The following PTCHD4 variants were observed in gnomAD, a reference collection of about 807,000 sequenced individuals.
The protein encoded by PTCHD4 is patched domain-containing protein 4.
A neutral mutation model predicts 58.1 loss-of-function variants in PTCHD4; 33 were observed. The observed-to-expected ratio is 0.57, with a 90% CI of 0.43 to 0.76. PTCHD4 has a LOEUF of 0.76. Ranked by LOEUF, PTCHD4 falls within the 30% of genes least tolerant of loss-of-function variation. PTCHD4 has a pLI of 0.00. For synonymous variants in PTCHD4, 478 were observed against 409.6 expected (o/e 1.17, Z -2.02); for missense variants, 1,058 against 1,027.1 (o/e 1.03, Z -0.41).
chr6:48,052,638 C>T (rs1010079239), intron 3 of PTCHD4, among the ~76,000 whole-genome samples: 2 of 151,922 alleles, frequency 1.3e-5, no homozygotes, highest in Non-Finnish European at 2.9e-5. Flanking sequence ...GAGTTAATTC[C>T]CTATTTTATA....
chr6:47,985,519 T>C (rs555100503), intron 4 of PTCHD4, among the ~76,000 whole-genome samples: 1 of 152,220 alleles, frequency 6.6e-6, no homozygotes, highest in South Asian at 2.1e-4. Flanking sequence ...AGTAGAACAA[T>C]TTATGATATA....
At chr6:47,972,459 T>G (rs1486876410) in intron 4 of PTCHD4, among the ~76,000 whole-genome samples, 1 of 152,098 alleles carries the variant, frequency 6.6e-6, no homozygotes, top group Non-Finnish European at 1.5e-5. Context: ...GAAACAAATA[T>G]TTTTTAAAAC....
rs771752753 is a variant in PTCHD4, at chr6:47,878,357, C to T, written c.2478G>A (p.Glu826=). 7.5e-6 allele frequency: 12 copies of T among 1,610,472 alleles called. No individual in the cohort carries two copies. The South Asian group carries it at 1.3e-4, about 18-fold the overall frequency. The part of the protein sequence containing the change: ...KKKRAKRKER[E]EIECIEIQEN... Reference sequence around the variant, plus strand: ...CTTGAATTTCTATGCATTCAATTTCCTCTCTCTCCTTTCGCTTGGCACGTT... The same window carrying T: ...CTTGAATTTCTATGCATTCAATTTCTTCTCTCTCCTTTCGCTTGGCACGTT... The change falls in exon 5 of 5, where the codon GAG becomes GAA. Residue 826 remains glutamate (E), a synonymous_variant. Coordinates refer to ENST00000339488, the MANE Select transcript of PTCHD4 (RefSeq NM_001384253.1).
Position 48,068,542 on chromosome 6 carries a change from C to G in PTCHD4, c.105G>C (p.Val35=), listed in dbSNP as rs1250238168. Reference sequence around the variant, plus strand: ...TGAGGAAAAAGACCGGGTGCCGGCTCACGCACAAACCCAGCCTGTGGCAGA... The same window carrying G: ...TGAGGAAAAAGACCGGGTGCCGGCTGACGCACAAACCCAGCCTGTGGCAGA... The part of the protein sequence containing the change: ...QSFCHRLGLC[V]SRHPVFFLTV... Residue 35 remains valine (V), a synonymous_variant, in exon 3 of 5, where the codon GTG becomes GTC. Transcript: ENST00000339488. This position sits in a 1 kb window ranked among gnomAD's most constrained non-coding sequence, Gnocchi z 4.2. The G allele has an allele frequency of 2.5e-6, 4 of 1,607,378 alleles. No homozygotes were observed. The Admixed American group carries it at 6.7e-5, about 27-fold the overall frequency.
In PTCHD4 at chr6:47,984,134, A is replaced by G. The variant is rs374374496; in HGVS notation, c.898+24500T>C. On this transcript the variant is annotated intron_variant, in intron 4 of 4. Coordinates refer to ENST00000339488, the MANE Select transcript of PTCHD4 (RefSeq NM_001384253.1). ...GCAATTATTGATTTCATAATCATTT[A>G]AACTAAAAACAATTCAAGGATTCTC... Among the ~76,000 whole-genome samples the G allele has an allele frequency of 6.8e-4, 104 of 152,316 alleles. 1 individual carries two copies. In the South Asian group the frequency reaches 0.015, roughly 22 times the overall value.
At chr6:47,959,908 TG>T (rs908597392) in intron 4 of PTCHD4, among the ~76,000 whole-genome samples, 1 of 151,352 alleles carries the variant, frequency 6.6e-6, no homozygotes, top group Non-Finnish European at 1.5e-5. Context: ...TAAATAGGAA[TG>T]AAGAATACAA....
At chr6:47,923,034 C>T (rs2113889603) in intron 4 of PTCHD4, among the ~76,000 whole-genome samples, 1 of 152,120 alleles carries the variant, frequency 6.6e-6, no homozygotes, top group South Asian at 2.1e-4. Flanking sequence ...TTTCAGTTTC[C>T]TCTTGTGCTG....
chr6:48,050,655 A>G (rs1009955448), intron 3 of PTCHD4, among the ~76,000 whole-genome samples: 3 of 152,056 alleles, frequency 2.0e-5, no homozygotes, highest in African/African-American at 7.2e-5. Context: ...GTTCCAAATG[A>G]CATGGAGCAT....
chr6:48,019,368 C>T lies in PTCHD4; in HGVS notation c.418-10254G>A, dbSNP rs570970606. On this transcript the variant is annotated intron_variant, in intron 3 of 4. Transcript: ENST00000339488. Reference sequence around the variant, plus strand: ...GGGGTGAGGATAGAGTGGTAGACAGCTACAGTGCCTGTCTTCAAAGGGCCT... The same window carrying T: ...GGGGTGAGGATAGAGTGGTAGACAGTTACAGTGCCTGTCTTCAAAGGGCCT... Among the ~76,000 whole-genome samples, 26 of 152,056 alleles carry T rather than the reference C, an allele frequency of 1.7e-4. No individual in the cohort carries two copies. The South Asian group carries it at 5.2e-3, about 30-fold the overall frequency.
At chr6:47,939,877 A>T (rs1340209134) in intron 4 of PTCHD4, among the ~76,000 whole-genome samples, 2 of 152,134 alleles carry the variant, frequency 1.3e-5, no homozygotes, top group East Asian at 1.9e-4. Context: ...GAAGCCCCCT[A>T]TGTTGCCCTG....
intron 4 of PTCHD4, among the ~76,000 whole-genome samples, chr6:47,954,506 T>C (rs1374265418): frequency 2.0e-5 from 3 of 152,218 alleles, no homozygotes; most frequent in African/African-American, 7.2e-5. Context: ...AGGACTAAGA[T>C]ACAAATCCTG....
At chr6:47,960,687 C>G (rs571025192) in intron 4 of PTCHD4, among the ~76,000 whole-genome samples, 1 of 151,486 alleles carries the variant, frequency 6.6e-6, no homozygotes, top group Admixed American at 6.6e-5. Context: ...TAACTAGATC[C>G]TAATGAAACA....
intron 3 of PTCHD4, among the ~76,000 whole-genome samples, chr6:48,041,276 T>C (rs568954947): frequency 6.6e-6 from 1 of 152,050 alleles, no homozygotes; most frequent in Non-Finnish European, 1.5e-5. Context: ...TCTGACCATG[T>C]TCACTTTCCC....
At chr6:48,093,127 G>T (rs1437724233) in intron 1 of PTCHD4, among the ~76,000 whole-genome samples, 1 of 152,138 alleles carries the variant, frequency 6.6e-6, no homozygotes, top group Non-Finnish European at 1.5e-5. Context: ...TTTCATCTTT[G>T]AGTCTTAAAT....
At chr6:47,886,481 G>A (rs572946742) in intron 4 of PTCHD4, among the ~76,000 whole-genome samples, 1 of 151,064 alleles carries the variant, frequency 6.6e-6, no homozygotes, top group African/African-American at 2.5e-5. Context: ...AAGAAATAGA[G>A]GTTAAAAAAA....
intron 3 of PTCHD4, among the ~76,000 whole-genome samples, chr6:48,056,203 C>T (rs2114179611): frequency 6.6e-6 from 1 of 152,276 alleles, no homozygotes; most frequent in East Asian, 1.9e-4. Flanking sequence ...AGATACAATA[C>T]ATATCCTCAA....
At chr6:47,890,821 G>T in intron 4 of PTCHD4, 2 of 860,782 alleles carry the variant, frequency 2.3e-6, no homozygotes, top group Non-Finnish European at 2.8e-6. Flanking sequence ...AGGATGGCTT[G>T]CTTTCCTGCT....
intron 4 of PTCHD4, among the ~76,000 whole-genome samples, chr6:47,926,155 G>A (rs552031250): frequency 6.6e-6 from 1 of 152,314 alleles, no homozygotes; most frequent in South Asian, 2.1e-4. Flanking sequence ...GGGCGTTGGA[G>A]TAAAAGTCTC....
In PTCHD4 at chr6:47,990,509, A is replaced by G. The variant is rs192782208; in HGVS notation, c.898+18125T>C. Reference sequence around the variant, plus strand: ...GGGCAGTTTCCTCCTTACTGTTCTCATGGTACTGAATAAGTCTCATGAGAT... The same window carrying G: ...GGGCAGTTTCCTCCTTACTGTTCTCGTGGTACTGAATAAGTCTCATGAGAT... On this transcript the variant is annotated intron_variant, in intron 4 of 4. Transcript: ENST00000339488. 2.6e-3 allele frequency among the ~76,000 whole-genome samples: 395 copies of G among 152,256 alleles called. 1 individual carries two copies. Among genetic ancestry groups the G allele is most frequent in the Middle Eastern group, 0.017 (5 of 294 alleles).
Sources: allele counts gnomAD v4.1 joint callset (sites outside exome capture counted in the v4.1 genomes callset), GRCh38; gene constraint gnomAD v4.1.1; non-coding constraint Gnocchi (gnomAD v3.1); transcripts MANE v1.5; gene names NCBI Gene and HGNC (gene_info 2026-07-23, HGNC 2026-07-21).